Variants in SMARCC1 observed in about 807,000 individuals in gnomAD.
SMARCC1 encodes SWI/SNF complex subunit SMARCC1.
SMARCC1 carries 43 observed loss-of-function variants against 147.4 expected under a neutral mutation model. The ratio of observed to expected loss-of-function variants is 0.29; its 90% CI spans 0.23 to 0.38. The LOEUF is 0.38. Ranked by LOEUF, SMARCC1 falls within the 10% of genes least tolerant of loss-of-function variation. The pLI is 1.00. For synonymous variants in SMARCC1, 495 were observed against 484.4 expected, an observed-to-expected ratio of 1.02 and a Z score of -0.29; for missense variants, 1,119 against 1,381.1, an observed-to-expected ratio of 0.81 and a Z score of 3.01.
At chr3:47,765,464 T>C (rs539102227) in intron 2 of SMARCC1, among the ~76,000 whole-genome samples, 1 of 146,774 alleles carries the variant, frequency 6.8e-6, no homozygotes, top group African/African-American at 2.5e-5. Flanking sequence ...GGAAGTTGTT[T>C]AAAAAAAAAA....
chr3:47,671,371 A>G (rs1260638514), intron 18 of SMARCC1, among the ~76,000 whole-genome samples: 1 of 152,138 alleles, frequency 6.6e-6, no homozygotes, highest in Non-Finnish European at 1.5e-5. Context: ...AACATAGTAC[A>G]CATCTTGGTA....
chr3:47,775,722 A>C (rs1166455929), intron 1 of SMARCC1, among the ~76,000 whole-genome samples: 1 of 152,040 alleles, frequency 6.6e-6, no homozygotes, highest in East Asian at 2.0e-4. Context: ...TAGCGAACCC[A>C]GATCGCGATC....
intron 9 of SMARCC1, among the ~76,000 whole-genome samples, chr3:47,710,334 T>C (rs535572589): frequency 6.6e-6 from 1 of 152,068 alleles, no homozygotes; most frequent in South Asian, 2.1e-4. Context: ...TATATATACA[T>C]ACTAAACAAA....
chr3:47,680,299 C>T, intron 15 of SMARCC1, 138 bp downstream of exon 15: 1 of 693,174 alleles, frequency 1.4e-6, no homozygotes, highest in South Asian at 1.6e-5. Context: ...GAATGCTATG[C>T]AAATGAGATA....
At chr3:47,645,756 CT>C (rs2033112864) in intron 21 of SMARCC1, among the ~76,000 whole-genome samples, 1 of 152,190 alleles carries the variant, frequency 6.6e-6, no homozygotes, top group Admixed American at 6.5e-5. Context: ...TACACACCAT[CT>C]GTAGGTCCAC....
At chr3:47,601,910 G>T in intron 26 of SMARCC1, 1 of 152,390 alleles carries the variant, frequency 6.6e-6, no homozygotes, top group Non-Finnish European at 1.5e-5. Context: ...ATGTTGCCCA[G>T]GCTGGTCTTG....
chr3:47,659,278 A>G, intron 21 of SMARCC1, among the ~76,000 whole-genome samples: 1 of 150,948 alleles, frequency 6.6e-6, no homozygotes, highest in East Asian at 1.9e-4. Context: ...AAATAAATAA[A>G]AAATAAAAAA....
At chr3:47,706,303 C>T in intron 10 of SMARCC1, 106 bp downstream of exon 10, 1 of 1,054,464 alleles carries the variant, frequency 9.5e-7, no homozygotes, top group Non-Finnish European at 1.3e-6. Flanking sequence ...AACTACTGAC[C>T]TCAGTTGATC....
chr3:47,773,328 C>T (rs1215532152), intron 1 of SMARCC1, among the ~76,000 whole-genome samples: 1 of 149,864 alleles, frequency 6.7e-6, no homozygotes, highest in Non-Finnish European at 1.5e-5. Flanking sequence ...GGTTTCACCA[C>T]ATTGGATAGG....
intron 11 of SMARCC1, among the ~76,000 whole-genome samples, chr3:47,694,399 T>C (rs1322814583): frequency 6.6e-6 from 1 of 152,102 alleles, no homozygotes; most frequent in African/African-American, 2.4e-5. Context: ...TCAGGAGTCT[T>C]AGACCAGCTT....
At chr3:47,737,529 C>T (rs2034457647) in intron 4 of SMARCC1, among the ~76,000 whole-genome samples, 1 of 152,146 alleles carries the variant, frequency 6.6e-6, no homozygotes, top group South Asian at 2.1e-4. Flanking sequence ...TTAATCATAG[C>T]TCTAATCCCC....
chr3:47,718,915 A>G (rs940872814), intron 7 of SMARCC1, among the ~76,000 whole-genome samples: 1 of 152,032 alleles, frequency 6.6e-6, no homozygotes, highest in African/African-American at 2.4e-5. Context: ...TATTTAATAA[A>G]TTAAAAAAAA....
chr3:47,696,815 G>A (rs945724222), intron 11 of SMARCC1, among the ~76,000 whole-genome samples: 4 of 152,096 alleles, frequency 2.6e-5, no homozygotes, highest in African/African-American at 7.2e-5. Context: ...GAGCCACCGC[G>A]CCCAGCCAAG....
chr3:47,633,741 C>CA (rs1162764544), intron 24 of SMARCC1, among the ~76,000 whole-genome samples: 157 of 8,598 alleles, frequency 0.018, 26 homozygotes, highest in South Asian at 0.13. Context: ...GAGACTGTCT[C>CA]AAAAAAAAAA....
At chr3:47,762,908 T>C (rs1461853054) in intron 2 of SMARCC1, among the ~76,000 whole-genome samples, 3 of 151,858 alleles carry the variant, frequency 2.0e-5, no homozygotes. Context: ...CTACTAAAAA[T>C]ACAAAAAATT....
At chr3:47,746,190 T>C (rs1189554476) in intron 2 of SMARCC1, 197 bp from the exon 3 acceptor site, 2 of 451,370 alleles carry the variant, frequency 4.4e-6, no homozygotes, top group Non-Finnish European at 7.8e-6. Flanking sequence ...GGCTCATGCC[T>C]GTAATCCCAA....
At chr3:47,703,056 T>C (rs2033945437) in intron 10 of SMARCC1, among the ~76,000 whole-genome samples, 1 of 152,138 alleles carries the variant, frequency 6.6e-6, no homozygotes, top group Admixed American at 6.5e-5. Flanking sequence ...GCCTCCCCAG[T>C]AGCTGGGATT....
At chr3:47,640,491 T>C (rs1206819117) in intron 21 of SMARCC1, among the ~76,000 whole-genome samples, 1 of 151,994 alleles carries the variant, frequency 6.6e-6, no homozygotes, top group East Asian at 1.9e-4. Context: ...AAAAATTAGA[T>C]CAAATGGGAA....
At chr3:47,721,380 A>C (rs1425390606) in intron 6 of SMARCC1, among the ~76,000 whole-genome samples, 1 of 152,188 alleles carries the variant, frequency 6.6e-6, no homozygotes, top group Non-Finnish European at 1.5e-5. Context: ...AGATAAGTGC[A>C]AATTATATAA....
Sources: gnomAD v4.1 joint callset for allele counts (sites outside exome capture counted in the v4.1 genomes callset) on GRCh38, gnomAD v4.1.1 for gene constraint, MANE v1.5 for transcripts, NCBI Gene and HGNC (gene_info 2026-07-23, HGNC 2026-07-21) for gene names.